The following RIT2 variants were observed in gnomAD, a reference collection of about 807,000 sequenced individuals.
RIT2 encodes GTP-binding protein Rit2.
In RIT2, 24 loss-of-function variants were observed where a neutral mutation model predicts 23.7. The observed-to-expected ratio is 1.01, with a 90% CI of 0.73 to 1.43. The LOEUF (loss-of-function observed/expected upper bound fraction) is 1.43, where lower values mean the gene tolerates loss of function less well. RIT2 is among the 40% of genes most tolerant of loss of function. The pLI, the probability that RIT2 is intolerant of heterozygous loss-of-function variation, is 0.00. For synonymous variants in RIT2, 107 were observed against 91.1 expected (o/e 1.17, Z -0.99); for missense variants, 236 against 266.9 (o/e 0.88, Z 0.81).
chr18:42,800,301 A>T (rs992960878), intron 4 of RIT2, among the ~76,000 whole-genome samples: 4 of 152,086 alleles, frequency 2.6e-5, no homozygotes, highest in Admixed American at 1.3e-4. Context: ...TTTTAAGATG[A>T]TATTGATTTG....
intron 1 of RIT2, among the ~76,000 whole-genome samples, chr18:43,107,488 A>G (rs760591495): frequency 6.6e-6 from 1 of 152,166 alleles, no homozygotes; most frequent in Non-Finnish European, 1.5e-5. Context: ...TCCAAAATGT[A>G]TATGTTTAAA....
Position 42,923,729 on chromosome 18 carries a change from C to T in RIT2, c.269G>A (p.Arg90Gln). ...GCAGATGATGAAGCCTTCCCCACCT[C>T]GCATGTACTGCTCCCGCATGGCTGT... Reference protein sequence around the residue: ...EFTAMREQYMRGGEGFIICYS... With the variant: ...EFTAMREQYMQGGEGFIICYS... The change falls in exon 4 of 5, where the codon CGA becomes CAA. Residue 90 changes from arginine (R) to glutamine (Q), a missense_variant. Physicochemically the swap from Arg to Gln is conservative, Grantham distance 43. Transcript: ENST00000326695. 2 of 1,611,904 alleles carry T rather than the reference C, an allele frequency of 1.2e-6. No individual in the cohort carries two copies. Among genetic ancestry groups the T allele is most frequent in the South Asian group, 1.1e-5 (1 of 90,984 alleles).
At chr18:42,777,724 A>G (rs1913707415) in intron 4 of RIT2, among the ~76,000 whole-genome samples, 1 of 152,126 alleles carries the variant, frequency 6.6e-6, no homozygotes, top group African/African-American at 2.4e-5. Flanking sequence ...TTTCTTTGGA[A>G]GCTACTGTTA....
intron 3 of RIT2, among the ~76,000 whole-genome samples, chr18:42,949,399 G>A (rs1001382246): frequency 6.6e-6 from 1 of 152,002 alleles, no homozygotes; most frequent in African/African-American, 2.4e-5. Context: ...GAAGACAAAG[G>A]TTTTCAAATG....
intron 3 of RIT2, among the ~76,000 whole-genome samples, chr18:42,959,756 T>C (rs1244361486): frequency 6.6e-6 from 1 of 152,218 alleles, no homozygotes; most frequent in African/African-American, 2.4e-5. Context: ...TAGAGGCTTA[T>C]CTGTCCCATA....
intron 4 of RIT2, among the ~76,000 whole-genome samples, chr18:42,912,099 G>A (rs1908784524): frequency 6.6e-6 from 1 of 151,538 alleles, no homozygotes. Context: ...ATGATAAAAT[G>A]TGATTTATTC....
chr18:42,979,167 T>A (rs754806105), intron 2 of RIT2, among the ~76,000 whole-genome samples: 7 of 152,108 alleles, frequency 4.6e-5, no homozygotes, highest in Non-Finnish European at 1.0e-4. Flanking sequence ...AATTAAAAAG[T>A]GTAAGGTATT....
intron 4 of RIT2, among the ~76,000 whole-genome samples, chr18:42,744,240 T>A (rs1268185610): frequency 1.3e-5 from 2 of 152,184 alleles, no homozygotes; most frequent in Non-Finnish European, 1.5e-5. Flanking sequence ...ACCCAGGTGA[T>A]TAAAAGCTTT....
chr18:43,087,301 T>C (rs1341967120), intron 1 of RIT2, among the ~76,000 whole-genome samples: 2 of 152,014 alleles, frequency 1.3e-5, no homozygotes, highest in Non-Finnish European at 2.9e-5. Flanking sequence ...ATTGAGTAGA[T>C]AGAAATAAGA....
intron 4 of RIT2, among the ~76,000 whole-genome samples, chr18:42,800,518 CTTTTTTT>C (rs147481524): frequency 0.32 from 46,214 of 144,438 alleles, 9,938 homozygotes; most frequent in African/African-American, 0.61. Context: ...CAGTTACATT[CTTTTTTT>C]TTTTTTTTTT....
intron 4 of RIT2, among the ~76,000 whole-genome samples, chr18:42,886,853 C>A (rs2144087640): frequency 6.6e-6 from 1 of 152,106 alleles, no homozygotes; most frequent in African/African-American, 2.4e-5. Flanking sequence ...GGGTTAGAAA[C>A]AAATTTTCTA....
chr18:43,001,382 T>C (rs906470054), intron 2 of RIT2, among the ~76,000 whole-genome samples: 2 of 152,014 alleles, frequency 1.3e-5, no homozygotes, highest in African/African-American at 4.8e-5. Context: ...AGGAAAAATA[T>C]TTTAGCTCTA....
intron 4 of RIT2, among the ~76,000 whole-genome samples, chr18:42,890,505 G>A (rs1908142520): frequency 6.9e-6 from 1 of 145,920 alleles, no homozygotes; most frequent in Non-Finnish European, 1.5e-5. Flanking sequence ...GGGAGGGAGG[G>A]AGGGAGGAAG....
chr18:42,782,075 A>G (rs1244769987), intron 4 of RIT2, among the ~76,000 whole-genome samples: 1 of 152,220 alleles, frequency 6.6e-6, no homozygotes, highest in African/African-American at 2.4e-5. Context: ...TTCAAAGCAC[A>G]GGAAAATGTA....
intron 4 of RIT2, among the ~76,000 whole-genome samples, chr18:42,764,418 C>T (rs1413896009): frequency 1.3e-5 from 2 of 152,142 alleles, no homozygotes; most frequent in Non-Finnish European, 2.9e-5. Context: ...CAGATGCTAA[C>T]CACCTCCCAC....
intron 3 of RIT2, among the ~76,000 whole-genome samples, chr18:42,929,945 C>T (rs1008785434): frequency 4.6e-5 from 7 of 152,128 alleles, no homozygotes; most frequent in East Asian, 3.9e-4. Context: ...CATAGGCCTG[C>T]GCAAAGATGG....
At position 43,067,907 on chromosome 18, in the gene RIT2, G is replaced by A. The variant is rs1001194255; in HGVS notation, c.104-34040C>T. ...TTCATTCAGATGGTTGGAAAGGAGGGGGGCTGGAATTTTATTTTTGGTATG... is the reference window on the plus strand; with the variant it reads ...TTCATTCAGATGGTTGGAAAGGAGGAGGGCTGGAATTTTATTTTTGGTATG... On this transcript the variant is annotated intron_variant, in intron 1 of 4. Transcript: ENST00000326695. Among the ~76,000 whole-genome samples the A allele has an allele frequency of 3.3e-5, 5 of 152,198 alleles. No individual in the cohort carries two copies. The South Asian group carries it at 8.3e-4, about 25-fold the overall frequency.
chr18:42,832,779 G>T (rs193295086), intron 4 of RIT2, among the ~76,000 whole-genome samples: 3 of 152,074 alleles, frequency 2.0e-5, no homozygotes, highest in African/African-American at 7.2e-5. Context: ...CTGGCTGGGT[G>T]CAGTGGCTCA....
intron 3 of RIT2, among the ~76,000 whole-genome samples, chr18:42,934,057 C>T (rs1236822460): frequency 1.3e-5 from 2 of 148,688 alleles, no homozygotes; most frequent in East Asian, 2.0e-4. Context: ...AAAAAAGAAA[C>T]CTCTTTCCTT....
Sources: allele counts gnomAD v4.1 joint callset (sites outside exome capture counted in the v4.1 genomes callset), GRCh38; gene constraint gnomAD v4.1.1; transcripts MANE v1.5; gene names NCBI Gene and HGNC (gene_info 2026-07-23, HGNC 2026-07-21).